The following DLGAP1 variants were observed in gnomAD, a reference collection of about 807,000 sequenced individuals.
DLGAP1 encodes the protein DLG associated protein 1, also known as disks large-associated protein 1.
In DLGAP1, 11 loss-of-function variants were observed where a neutral mutation model predicts 90.8. The observed-to-expected ratio is 0.12, with a 90% CI of 0.08 to 0.20. The LOEUF is 0.20. DLGAP1 is among the 10% of genes least tolerant of loss of function. The pLI is 1.00. For missense variants in DLGAP1, 1,050 were observed against 1,333.8 expected, an observed-to-expected ratio of 0.79 and a Z score of 3.31; for synonymous variants, 558 against 540.7, an observed-to-expected ratio of 1.03 and a Z score of -0.44.
chr18:4,099,238 ATC>A (rs1555739728), intron 2 of DLGAP1, among the ~76,000 whole-genome samples: 1 of 114,008 alleles, frequency 8.8e-6, no homozygotes, highest in African/African-American at 3.6e-5. Flanking sequence ...TTGAAAATAG[ATC>A]TGTCTGTCTG....
chr18:3,537,986 G>T (rs1428112140), intron 9 of DLGAP1, among the ~76,000 whole-genome samples: 1 of 152,166 alleles, frequency 6.6e-6, no homozygotes, highest in Non-Finnish European at 1.5e-5. Flanking sequence ...ACCAGATTAT[G>T]TGGGATTTTA....
At chr18:3,655,774 TC>T in intron 7 of DLGAP1, 1 of 317,544 alleles carries the variant, frequency 3.1e-6, no homozygotes, top group Non-Finnish European at 5.8e-6. Flanking sequence ...CAAGACTATG[TC>T]CAGCCTCAAA....
At chr18:4,011,857 C>T (rs75581712) in intron 2 of DLGAP1, among the ~76,000 whole-genome samples, 2,106 of 151,930 alleles carry the variant, frequency 0.014, 44 homozygotes, top group African/African-American at 0.046. Context: ...AACAACAACA[C>T]AAAACCAAAT....
chr18:4,031,338 T>C (rs865910802), intron 2 of DLGAP1, among the ~76,000 whole-genome samples: 1 of 152,188 alleles, frequency 6.6e-6, no homozygotes, highest in Admixed American at 6.6e-5. Flanking sequence ...CAATAAAATA[T>C]ATATTGTATT....
intron 3 of DLGAP1, among the ~76,000 whole-genome samples, chr18:3,900,693 CAT>C (rs763391466): frequency 7.2e-5 from 11 of 152,114 alleles, no homozygotes; most frequent in Non-Finnish European, 1.0e-4. Context: ...AGGAATCACA[CAT>C]GATTGTGTTA....
chr18:3,842,126 G>A (rs1307857010), intron 4 of DLGAP1, among the ~76,000 whole-genome samples: 1 of 150,686 alleles, frequency 6.6e-6, no homozygotes, highest in Admixed American at 6.7e-5. Flanking sequence ...TGGGGGGTGA[G>A]GGGTGGAGGG....
At chr18:4,108,145 A>T (rs1413560241) in intron 2 of DLGAP1, among the ~76,000 whole-genome samples, 1 of 152,138 alleles carries the variant, frequency 6.6e-6, no homozygotes, top group Admixed American at 6.5e-5. Flanking sequence ...TTCTTCCCTG[A>T]AGTAGGTCAT....
intron 3 of DLGAP1, among the ~76,000 whole-genome samples, chr18:3,956,801 C>G (rs2073094862): frequency 6.6e-6 from 1 of 152,102 alleles, no homozygotes; most frequent in Admixed American, 6.5e-5. Context: ...TAGGTGCACA[C>G]AACCACACCT....
chr18:3,552,451 G>A (rs28576349), intron 9 of DLGAP1, among the ~76,000 whole-genome samples: 13 of 152,010 alleles, frequency 8.6e-5, no homozygotes, highest in African/African-American at 2.2e-4. Context: ...GCAAAATCCC[G>A]GATGTCAGCA....
chr18:4,302,415 G>GT (rs1412853827), intron 1 of DLGAP1, among the ~76,000 whole-genome samples: 3 of 152,138 alleles, frequency 2.0e-5, no homozygotes, highest in African/African-American at 7.2e-5. Flanking sequence ...TTTTCCCATT[G>GT]TATGTTGTTG....
At chr18:3,926,739 T>C (rs2072400975) in intron 3 of DLGAP1, among the ~76,000 whole-genome samples, 1 of 152,072 alleles carries the variant, frequency 6.6e-6, no homozygotes. Context: ...ATCTGTCTCT[T>C]GAGACTTGGC....
At chr18:4,089,802 T>G (rs1350055475) in intron 2 of DLGAP1, among the ~76,000 whole-genome samples, 1 of 152,168 alleles carries the variant, frequency 6.6e-6, no homozygotes, top group Non-Finnish European at 1.5e-5. Flanking sequence ...TCCCAGCACT[T>G]TGGGAGGCCG....
At position 3,499,815 on chromosome 18, in the gene DLGAP1, C is replaced by T. The variant is rs188638339; in HGVS notation, c.2725-421G>A. Among the ~76,000 whole-genome samples, 4 of 152,234 alleles carry T rather than the reference C, an allele frequency of 2.6e-5. No homozygotes were observed. Among genetic ancestry groups the T allele is most frequent in the East Asian group, 3.9e-4 (2 of 5,168 alleles). On this transcript the variant is annotated intron_variant, in intron 12 of 12. Transcript: ENST00000315677. This position sits in a 1 kb window ranked among gnomAD's most constrained non-coding sequence, Gnocchi z 6.4. ...CATCCCCTCTAAGGATGCAAGTCAC[C>T]GGGTGCAAGCTTGGTTCAGAGCTTA...
chr18:4,111,922 GTTTT>G lies in DLGAP1; in HGVS notation c.-159+39254_-159+39257del, dbSNP rs908015136. On this transcript the variant is annotated intron_variant, in intron 2 of 12. Coordinates refer to ENST00000315677, the MANE Select transcript of DLGAP1 (RefSeq NM_004746.4). Reference sequence around the variant, plus strand: ...TTATTGATTTTTCTCTTTTGTTTTTGTTTTTTATTTATTCTGTAATAAAATAACA... The same window carrying G: ...TTATTGATTTTTCTCTTTTGTTTTTGTTATTTATTCTGTAATAAAATAACA... Among the ~76,000 whole-genome samples the G allele has an allele frequency of 7.7e-4, 116 of 150,288 alleles. 1 individual carries two copies. Among genetic ancestry groups the G allele is most frequent in the African/African-American group, 2.6e-3 (109 of 41,176 alleles).
chr18:4,147,088 A>G (rs1413801001), intron 2 of DLGAP1, among the ~76,000 whole-genome samples: 1 of 152,212 alleles, frequency 6.6e-6, no homozygotes, highest in Non-Finnish European at 1.5e-5. Flanking sequence ...ATTTGAATGC[A>G]AGAAAGCAAA....
At chr18:3,819,980 TAA>T (rs2067314646) in intron 4 of DLGAP1, among the ~76,000 whole-genome samples, 1 of 152,200 alleles carries the variant, frequency 6.6e-6, no homozygotes, top group Non-Finnish European at 1.5e-5. Context: ...CGCTTAGTTT[TAA>T]AAGTCTCTCC....
intron 3 of DLGAP1, among the ~76,000 whole-genome samples, chr18:3,926,601 T>A (rs766142658): frequency 1.3e-5 from 2 of 152,030 alleles, no homozygotes; most frequent in African/African-American, 2.4e-5. Context: ...GATAGATACA[T>A]GCAGACACAT....
At chr18:3,996,313 T>C (rs9959292) in intron 3 of DLGAP1, among the ~76,000 whole-genome samples, 25,393 of 152,054 alleles carry the variant, frequency 0.17, 2,263 homozygotes, top group South Asian at 0.33. Flanking sequence ...GACTGAGAAA[T>C]GGAGTTTCTA....
chr18:3,527,759 T>TA (rs973675612), intron 10 of DLGAP1, among the ~76,000 whole-genome samples: 2 of 151,826 alleles, frequency 1.3e-5, no homozygotes, highest in Non-Finnish European at 2.9e-5. Flanking sequence ...CCTGCCTAAT[T>TA]AAAAAAATAT....
Sources: allele counts gnomAD v4.1 joint callset (sites outside exome capture counted in the v4.1 genomes callset), GRCh38; gene constraint gnomAD v4.1.1; non-coding constraint Gnocchi (gnomAD v3.1); transcripts MANE v1.5; gene names NCBI Gene and HGNC (gene_info 2026-07-23, HGNC 2026-07-21).